Variants in SCHIP1 observed in about 807,000 individuals in gnomAD.
SCHIP1 encodes schwannomin-interacting protein 1.
In SCHIP1, 8 loss-of-function variants were observed where a neutral mutation model predicts 29.7. The ratio of observed to expected loss-of-function variants is 0.27; its 90% CI spans 0.16 to 0.49. SCHIP1 has a LOEUF of 0.49. Among genes scored for constraint, SCHIP1 ranks in the 20% least tolerant of loss-of-function variants. The pLI is 0.99. For synonymous variants in SCHIP1, 76 were observed against 94.9 expected, an observed-to-expected ratio of 0.80 and a Z score of 1.16; for missense variants, 193 against 294.6, an observed-to-expected ratio of 0.66 and a Z score of 2.52.
At chr3:159,609,025 C>A in the SCHIP1 span, among the ~76,000 whole-genome samples, 2 of 152,152 alleles carry the variant, frequency 1.3e-5, no homozygotes, top group African/African-American at 4.8e-5. Context: ...ATACTAATTT[C>A]TAGGGATTCA....
chr3:159,728,620 G>A, the SCHIP1 span, among the ~76,000 whole-genome samples: 143 of 152,290 alleles, frequency 9.4e-4, 4 homozygotes, highest in South Asian at 9.7e-3. Flanking sequence ...CAGTGAGGCT[G>A]GGATGGGTTA....
chr3:159,759,374 C>T, the SCHIP1 span, among the ~76,000 whole-genome samples: 1 of 152,160 alleles, frequency 6.6e-6, no homozygotes, highest in African/African-American at 2.4e-5. Context: ...AGTGGAGGAA[C>T]CAACTTTGTA....
chr3:159,405,664 G>T, the SCHIP1 span, among the ~76,000 whole-genome samples: 1 of 151,786 alleles, frequency 6.6e-6, no homozygotes, highest in African/African-American at 2.4e-5. Flanking sequence ...AGACCACGAG[G>T]TTAGGAGTTC....
chr3:159,447,459 C>T, the SCHIP1 span, among the ~76,000 whole-genome samples: 15 of 152,244 alleles, frequency 9.9e-5, no homozygotes, highest in Middle Eastern at 3.4e-3. Context: ...AAAAAATACA[C>T]GAGAGTCTGG....
At chr3:159,474,190 A>G in the SCHIP1 span, among the ~76,000 whole-genome samples, 3 of 152,308 alleles carry the variant, frequency 2.0e-5, no homozygotes, top group African/African-American at 7.2e-5. Context: ...ATCCCAGCTT[A>G]TAAACAACCT....
the SCHIP1 span, among the ~76,000 whole-genome samples, chr3:159,813,555 A>G: frequency 6.6e-6 from 1 of 152,012 alleles, no homozygotes; most frequent in Non-Finnish European, 1.5e-5. Flanking sequence ...GCCATGTGTG[A>G]TGTGCTCCTG....
chr3:159,780,741 A>G, the SCHIP1 span, among the ~76,000 whole-genome samples: 1 of 152,222 alleles, frequency 6.6e-6, no homozygotes, highest in Non-Finnish European at 1.5e-5. Flanking sequence ...GGATGGGATG[A>G]CAGGGCAGAA....
At chr3:159,544,561 C>G in the SCHIP1 span, among the ~76,000 whole-genome samples, 1 of 152,058 alleles carries the variant, frequency 6.6e-6, no homozygotes, top group Non-Finnish European at 1.5e-5. Flanking sequence ...TCTGGTAGGT[C>G]TGTAATAATA....
chr3:159,567,718 A>G, the SCHIP1 span, among the ~76,000 whole-genome samples: 1 of 152,140 alleles, frequency 6.6e-6, no homozygotes, highest in Non-Finnish European at 1.5e-5. Context: ...ACAAATATAT[A>G]TTCCAAACTT....
At chr3:159,440,728 T>G in the SCHIP1 span, among the ~76,000 whole-genome samples, 1 of 152,178 alleles carries the variant, frequency 6.6e-6, no homozygotes, top group Non-Finnish European at 1.5e-5. Context: ...ATCAGAATTT[T>G]TGTATTATTA....
At chr3:159,797,843 T>A in the SCHIP1 span, among the ~76,000 whole-genome samples, 2 of 152,142 alleles carry the variant, frequency 1.3e-5, no homozygotes, top group Non-Finnish European at 2.9e-5. Context: ...AGTATTCCAA[T>A]AAGCTGAGCA....
At chr3:159,733,219 C>G in the SCHIP1 span, among the ~76,000 whole-genome samples, 9 of 152,166 alleles carry the variant, frequency 5.9e-5, no homozygotes, top group African/African-American at 2.2e-4. Flanking sequence ...AACTCAGCTT[C>G]TTGAATTTTT....
chr3:159,530,979 A>T, the SCHIP1 span, among the ~76,000 whole-genome samples: 1 of 152,122 alleles, frequency 6.6e-6, no homozygotes, highest in Non-Finnish European at 1.5e-5. Flanking sequence ...CCAGAAGTAA[A>T]ACTCTCTTCT....
chr3:159,800,815 T>C, the SCHIP1 span, among the ~76,000 whole-genome samples: 65 of 151,986 alleles, frequency 4.3e-4, no homozygotes, highest in Non-Finnish European at 8.7e-4. Flanking sequence ...AAATGAGGGA[T>C]GCTTCCCCAC....
the SCHIP1 span, among the ~76,000 whole-genome samples, chr3:159,770,199 T>C: frequency 6.6e-6 from 1 of 152,266 alleles, no homozygotes; most frequent in Non-Finnish European, 1.5e-5. Flanking sequence ...TTGTTATACA[T>C]GTGCATTGTT....
chr3:159,769,849 A>G, the SCHIP1 span, among the ~76,000 whole-genome samples: 1 of 152,256 alleles, frequency 6.6e-6, no homozygotes, highest in Non-Finnish European at 1.5e-5. Flanking sequence ...GAGTTTTGAC[A>G]TATGTATGGC....
At chr3:159,301,669 G>T in the SCHIP1 span, among the ~76,000 whole-genome samples, 2 of 152,258 alleles carry the variant, frequency 1.3e-5, no homozygotes, top group South Asian at 4.1e-4. Flanking sequence ...TGGTTTAAAA[G>T]TGTGGCACTT....
At chr3:159,528,248 T>C in the SCHIP1 span, among the ~76,000 whole-genome samples, 7 of 152,220 alleles carry the variant, frequency 4.6e-5, no homozygotes, top group African/African-American at 1.7e-4. Context: ...GAGAACAGGA[T>C]ATTTAAATGT....
the SCHIP1 span, among the ~76,000 whole-genome samples, chr3:159,692,687 TA>T: frequency 4.5e-4 from 69 of 152,290 alleles, no homozygotes; most frequent in African/African-American, 1.6e-3. Flanking sequence ...AACTCAAAGG[TA>T]AGAGTCTGAC....
Sources: gnomAD v4.1 joint callset for allele counts (sites outside exome capture counted in the v4.1 genomes callset) on GRCh38, gnomAD v4.1.1 for gene constraint, MANE v1.5 for transcripts, NCBI Gene and HGNC (gene_info 2026-07-23, HGNC 2026-07-21) for gene names.